CFAP92: variants seen among roughly 807,000 people sequenced by gnomAD.
CFAP92 encodes cilia and flagella associated protein 92 (putative).
A neutral mutation model predicts 106.3 loss-of-function variants in CFAP92; 86 were observed. The ratio of observed to expected loss-of-function variants is 0.81; its 90% CI spans 0.68 to 0.97. The LOEUF (loss-of-function observed/expected upper bound fraction) is 0.97, where lower values mean the gene tolerates loss of function less well. CFAP92 is among the 50% of genes least tolerant of loss of function. The probability of loss-of-function intolerance (pLI) is 0.00; values close to 1 mark genes in which losing one functional copy is unlikely to be tolerated. For missense variants in CFAP92, 1,204 were observed against 1,283.8 expected (o/e 0.94, Z 0.95); for synonymous variants, 477 against 506.4 (o/e 0.94, Z 0.78).
intron 13 of CFAP92, 38 bp downstream of exon 13, chr3:128,916,069 G>A (rs1936791705): frequency 3.3e-6 from 4 of 1,227,814 alleles, no homozygotes; most frequent in Non-Finnish European, 4.1e-6. Flanking sequence ...GAACTCATGG[G>A]ATTTGCCAAC....
At chr3:128,974,882 A>G (rs1943044118) in intron 7 of CFAP92, among the ~76,000 whole-genome samples, 1 of 151,002 alleles carries the variant, frequency 6.6e-6, no homozygotes, top group African/African-American at 2.4e-5. Context: ...GCACTTTGGG[A>G]GGCCGAGGCG....
At position 128,915,472 on chromosome 3, in the gene CFAP92, T is replaced by C. The variant is rs947348886; in HGVS notation, c.3008A>G (p.Lys1003Arg). 42 of 1,534,648 alleles carry C rather than the reference T, an allele frequency of 2.7e-5. No individual in the cohort carries two copies. Among genetic ancestry groups the C allele is most frequent in the Non-Finnish European group, 3.6e-5 (41 of 1,146,904 alleles). The change falls in exon 14 of 16, where the codon AAG becomes AGG. Residue 1003 changes from lysine (K) to arginine (R), a missense_variant. Physicochemically the swap from Lys to Arg is conservative, Grantham distance 26. Transcript: ENST00000645291. ...DLKEEEKKAQ[K>R]KSRQAWLTAR... ...TGTGAGCCAGGCCTGGCGGGATTTC[T>C]TCTGGGCTTTCTTCTCCTCTTCCTT...
intron 9 of CFAP92, among the ~76,000 whole-genome samples, chr3:128,962,803 C>T (rs1394175651): frequency 6.6e-6 from 1 of 152,174 alleles, no homozygotes; most frequent in African/African-American, 2.4e-5. Context: ...TTTACCTGTC[C>T]TAAAACCAGA....
rs1936703794 is a variant in CFAP92 at position 128,915,169 on chromosome 3, G to A, written c.3230C>T (p.Pro1077Leu). Residue 1077 changes from proline (P) to leucine (L), a missense_variant, in exon 15 of 16, where the codon CCA (proline) becomes CTA (leucine). Transcript: ENST00000645291. ...HHVDFDLYKK[P>L]PPFLELLPSP... Reference sequence around the variant, plus strand: ...AGGGAGCAGCTCGAGGAAAGGTGGTGGTTTCTTGTACAGATCAAAGTCCAC... The same window carrying A: ...AGGGAGCAGCTCGAGGAAAGGTGGTAGTTTCTTGTACAGATCAAAGTCCAC... The A allele has an allele frequency of 6.5e-7, 1 of 1,536,130 alleles. No individual in the cohort carries two copies. Among genetic ancestry groups the A allele is most frequent in the Non-Finnish European group, 8.7e-7 (1 of 1,146,916 alleles).
At chr3:128,912,624 C>T (rs758324588) in intron 15 of CFAP92, 2 of 1,604,850 alleles carry the variant, frequency 1.2e-6, no homozygotes, top group South Asian at 1.1e-5. Flanking sequence ...GGACAGTGTC[C>T]CCTGCTACCG....
At chr3:128,976,691 G>A (rs905176522) in intron 6 of CFAP92, among the ~76,000 whole-genome samples, 20 of 152,172 alleles carry the variant, frequency 1.3e-4, no homozygotes, top group Non-Finnish European at 2.9e-4. Flanking sequence ...ATCACTTTGT[G>A]TAAACCATTT....
intron 10 of CFAP92, among the ~76,000 whole-genome samples, chr3:128,941,101 A>G (rs931511945): frequency 4.6e-5 from 7 of 152,162 alleles, no homozygotes; most frequent in African/African-American, 1.4e-4. Flanking sequence ...CTGAAGTTCT[A>G]TAATATTCAT....
In CFAP92 at chr3:128,973,000, G is replaced by A. The variant is rs374316410; in HGVS notation, c.1022-1567C>T. On this transcript the variant is annotated intron_variant, in intron 7 of 15. Transcript: ENST00000645291. ...GCACCAGCATACCCAGCTGAGGAAG[G>A]ATTTCTTAAACATTCGTGAAAGTAT... Among the ~76,000 whole-genome samples, 5 of 152,274 alleles carry A rather than the reference G, an allele frequency of 3.3e-5. No homozygotes were observed. In the East Asian group the frequency reaches 7.7e-4, roughly 23 times the overall value.
intron 10 of CFAP92, 67 bp from the exon 11 acceptor site, chr3:128,935,386 C>G: frequency 9.0e-7 from 1 of 1,105,598 alleles, no homozygotes; most frequent in South Asian, 1.7e-5. Context: ...GGTGAGGGTG[C>G]GCTGTCAGGT....
chr3:129,016,884 G>A, the CFAP92 span, among the ~76,000 whole-genome samples: 1 of 152,198 alleles, frequency 6.6e-6, no homozygotes, highest in Admixed American at 6.5e-5. Flanking sequence ...GCTTTATGCT[G>A]CAAGAACATA....
chr3:128,972,199 G>C (rs1032569067), intron 7 of CFAP92, among the ~76,000 whole-genome samples: 2 of 151,498 alleles, frequency 1.3e-5, no homozygotes, highest in Non-Finnish European at 2.9e-5. Context: ...AAAATCATCA[G>C]AAGAATATCT....
intron 9 of CFAP92, among the ~76,000 whole-genome samples, chr3:128,961,988 C>T (rs1357228074): frequency 1.3e-5 from 2 of 152,174 alleles, no homozygotes; most frequent in East Asian, 3.8e-4. Context: ...CTACAAGTGC[C>T]AGAAATCTGA....
intron 12 of CFAP92, among the ~76,000 whole-genome samples, chr3:128,917,992 A>G (rs2107680917): frequency 6.6e-6 from 1 of 152,364 alleles, no homozygotes; most frequent in African/African-American, 2.4e-5. Context: ...AACAAATACA[A>G]AGATAAACTC....
At chr3:129,013,955 G>GTTGGGGT in the CFAP92 span, among the ~76,000 whole-genome samples, 1 of 152,200 alleles carries the variant, frequency 6.6e-6, no homozygotes. Context: ...CTGTCAGAAT[G>GTTGGGGT]TGCTCTGAGT....
At chr3:129,024,363 C>G in the CFAP92 span, among the ~76,000 whole-genome samples, 1 of 151,928 alleles carries the variant, frequency 6.6e-6, no homozygotes, top group Middle Eastern at 3.2e-3. Flanking sequence ...AAAACCCTTT[C>G]TCTACTAAAA....
chr3:128,915,240 C>T lies in CFAP92; in HGVS notation c.3159G>A (p.Leu1053=), dbSNP rs564716199. The T allele has an allele frequency of 2.1e-4, 322 of 1,536,160 alleles. 1 individual carries two copies. In the Middle Eastern group the frequency reaches 4.5e-3, roughly 22 times the overall value. ...WKENSLFANV[L]EPVLDRDRWS... ...ACCTGTCTCGATCCAACACAGGCTC[C>T]AGTACATTAGCAAACAGGGAGTTTT... The change falls in exon 15 of 16, where the codon CTG becomes CTA. Residue 1053 remains leucine, a synonymous_variant. Transcript: ENST00000645291.
At chr3:128,991,265 G>C (rs1053256896) in intron 2 of CFAP92, among the ~76,000 whole-genome samples, 2 of 152,168 alleles carry the variant, frequency 1.3e-5, no homozygotes, top group East Asian at 3.8e-4. Flanking sequence ...AAGAGTAAAG[G>C]CATCATTTTA....
chr3:128,910,066 C>G lies in CFAP92; in HGVS notation c.*233G>C. The G allele has an allele frequency of 6.2e-7, 1 of 1,614,034 alleles. No homozygotes were observed. The highest frequency in any genetic ancestry group is 1.1e-5 in the South Asian group (1 of 91,004). ...GGTACTGAAGCGGGTGGCCAACATCCTCATCAACCTGTATGGCATGACGGC... is the reference window on the plus strand; with the variant it reads ...GGTACTGAAGCGGGTGGCCAACATCGTCATCAACCTGTATGGCATGACGGC... On this transcript the variant is annotated 3_prime_UTR_variant, in exon 16 of 16. Coordinates refer to ENST00000645291, the MANE Select transcript of CFAP92 (RefSeq NM_001394090.1).
chr3:129,014,546 C>G, the CFAP92 span, among the ~76,000 whole-genome samples: 4 of 152,194 alleles, frequency 2.6e-5, no homozygotes, highest in Non-Finnish European at 5.9e-5. This position sits in a 1 kb window ranked among gnomAD's most constrained non-coding sequence, Gnocchi z 4.3. Flanking sequence ...CCCTAAAGAC[C>G]TCATTTTAAC....
Sources: allele counts gnomAD v4.1 joint callset (sites outside exome capture counted in the v4.1 genomes callset), GRCh38; gene constraint gnomAD v4.1.1; non-coding constraint Gnocchi (gnomAD v3.1); transcripts MANE v1.5; gene names NCBI Gene and HGNC (gene_info 2026-07-23, HGNC 2026-07-21).